The following GALNT13 variants were observed in gnomAD, a reference collection of about 807,000 sequenced individuals.
GALNT13 encodes the protein polypeptide N-acetylgalactosaminyltransferase 13.
Under a neutral mutation model 64.2 loss-of-function variants are expected in GALNT13, and 28 were observed. The ratio of observed to expected loss-of-function variants is 0.44; its 90% CI spans 0.32 to 0.60. The LOEUF (loss-of-function observed/expected upper bound fraction) is 0.60, where lower values mean the gene tolerates loss of function less well. GALNT13 is among the 20% of genes least tolerant of loss of function. The pLI, the probability that GALNT13 is intolerant of heterozygous loss-of-function variation, is 0.05. For synonymous variants in GALNT13, 214 were observed against 224.6 expected, an observed-to-expected ratio of 0.95 and a Z score of 0.42; for missense variants, 577 against 669.8, an observed-to-expected ratio of 0.86 and a Z score of 1.53.
chr2:153,568,667 C>T, the GALNT13 span, among the ~76,000 whole-genome samples: 3 of 152,166 alleles, frequency 2.0e-5, no homozygotes, highest in African/African-American at 7.2e-5. Flanking sequence ...GCAAATATCA[C>T]AAGTGTACAG....
At chr2:154,288,485 A>G (rs1692408139) in intron 8 of GALNT13, among the ~76,000 whole-genome samples, 1 of 152,144 alleles carries the variant, frequency 6.6e-6, no homozygotes, top group South Asian at 2.1e-4. Flanking sequence ...CCACAGTCCA[A>G]AGTCTCATCT....
At chr2:153,138,635 G>A in the GALNT13 span, among the ~76,000 whole-genome samples, 4 of 151,990 alleles carry the variant, frequency 2.6e-5, no homozygotes, top group African/African-American at 9.7e-5. Flanking sequence ...GTGGATTTGG[G>A]TAGCCATATA....
At chr2:154,015,449 T>C (rs2105261140) in intron 3 of GALNT13, among the ~76,000 whole-genome samples, 1 of 152,330 alleles carries the variant, frequency 6.6e-6, no homozygotes, top group East Asian at 1.9e-4. Context: ...ACTATATCAA[T>C]AAGATGTGTC....
chr2:154,387,990 G>A lies in GALNT13; in HGVS notation c.1157-8001G>A, dbSNP rs567933275. 3.7e-4 allele frequency among the ~76,000 whole-genome samples: 57 copies of A among 152,216 alleles called. 1 individual carries two copies. The South Asian group carries it at 0.012, about 31-fold the overall frequency. On this transcript the variant is annotated intron_variant, in intron 9 of 12. Coordinates refer to ENST00000392825, the MANE Select transcript of GALNT13 (RefSeq NM_052917.4). ...GTTCTATTTTTAGTTTTACAAGGAA[G>A]CTCCATACCACTTTTATAATGGCTG...
chr2:153,350,388 T>C, the GALNT13 span, among the ~76,000 whole-genome samples: 6 of 146,620 alleles, frequency 4.1e-5, no homozygotes, highest in East Asian at 5.8e-4. Flanking sequence ...TTCTTTCTTT[T>C]TTTTTTTTTT....
chr2:153,481,884 T>C, the GALNT13 span, among the ~76,000 whole-genome samples: 1 of 152,180 alleles, frequency 6.6e-6, no homozygotes, highest in South Asian at 2.1e-4. Context: ...AAAGGAAATA[T>C]CAAACATTGA....
chr2:153,174,842 T>C, the GALNT13 span, among the ~76,000 whole-genome samples: 281 of 152,284 alleles, frequency 1.8e-3, 4 homozygotes, highest in South Asian at 0.03. Flanking sequence ...TTTAAGGCAA[T>C]GCAGGCTTTC....
chr2:153,768,728 T>C, the GALNT13 span, among the ~76,000 whole-genome samples: 1 of 152,064 alleles, frequency 6.6e-6, no homozygotes, highest in Non-Finnish European at 1.5e-5. Context: ...TAGTTAGGCA[T>C]GGTGGCAGGC....
chr2:153,327,045 C>T, the GALNT13 span, among the ~76,000 whole-genome samples: 2 of 151,962 alleles, frequency 1.3e-5, no homozygotes, highest in Non-Finnish European at 1.5e-5. Context: ...GATAGGGCCA[C>T]TGCACTCCAG....
At chr2:153,496,438 G>A in the GALNT13 span, among the ~76,000 whole-genome samples, 1 of 152,054 alleles carries the variant, frequency 6.6e-6, no homozygotes, top group Non-Finnish European at 1.5e-5. Context: ...GCACTGCATA[G>A]AACATTTGTT....
chr2:154,287,305 G>T, intron 8 of GALNT13: 1 of 667,534 alleles, frequency 1.5e-6, no homozygotes. Flanking sequence ...CCATGGCGGG[G>T]ACAGTCTGAT....
chr2:153,422,526 T>C, the GALNT13 span, among the ~76,000 whole-genome samples: 1 of 152,090 alleles, frequency 6.6e-6, no homozygotes, highest in African/African-American at 2.4e-5. Context: ...GTCATGAGAG[T>C]AAATCTTAGG....
the GALNT13 span, among the ~76,000 whole-genome samples, chr2:153,149,323 C>T: frequency 6.6e-6 from 1 of 151,750 alleles, no homozygotes. Context: ...ACTCCAAAGC[C>T]CATACCTCTT....
At chr2:153,628,310 C>G in the GALNT13 span, among the ~76,000 whole-genome samples, 1 of 151,926 alleles carries the variant, frequency 6.6e-6, no homozygotes. Flanking sequence ...ATTTGACTTC[C>G]TCTTTTCCTA....
At chr2:154,031,339 GA>G in intron 3 of GALNT13, among the ~76,000 whole-genome samples, 2 of 151,540 alleles carry the variant, frequency 1.3e-5, no homozygotes, top group South Asian at 2.1e-4. Flanking sequence ...AGAAGAAGAG[GA>G]AAAAAATAAA....
intron 3 of GALNT13, among the ~76,000 whole-genome samples, chr2:153,981,290 A>G (rs992609467): frequency 2.0e-5 from 3 of 152,124 alleles, no homozygotes; most frequent in Non-Finnish European, 4.4e-5. Flanking sequence ...ATATGTATAC[A>G]TGTGCCATGT....
the GALNT13 span, among the ~76,000 whole-genome samples, chr2:153,127,232 A>G: frequency 6.6e-6 from 1 of 152,184 alleles, no homozygotes; most frequent in African/African-American, 2.4e-5. Context: ...TAAAATCATC[A>G]TTAGGCTTAC....
chr2:154,192,508 T>G (rs1019621181), intron 4 of GALNT13, among the ~76,000 whole-genome samples: 4 of 149,392 alleles, frequency 2.7e-5, no homozygotes, highest in African/African-American at 1.0e-4. Flanking sequence ...TCACATGGAT[T>G]GAATGACATA....
chr2:153,638,980 G>A, the GALNT13 span, among the ~76,000 whole-genome samples: 10 of 152,238 alleles, frequency 6.6e-5, no homozygotes, highest in East Asian at 1.9e-3. Flanking sequence ...CAGCGAACAC[G>A]TGGTTTTCTC....
Sources: gnomAD v4.1 joint callset for allele counts (sites outside exome capture counted in the v4.1 genomes callset) on GRCh38, gnomAD v4.1.1 for gene constraint, MANE v1.5 for transcripts, NCBI Gene and HGNC (gene_info 2026-07-23, HGNC 2026-07-21) for gene names.